PLCB2: variants seen among roughly 807,000 people sequenced by gnomAD.
PLCB2 encodes phospholipase C beta 2, also known as 1-phosphatidylinositol 4,5-bisphosphate phosphodiesterase beta-2.
In PLCB2, 115 loss-of-function variants were observed where a neutral mutation model predicts 141.7. That is an observed-to-expected ratio of 0.81 (90% confidence interval 0.70 to 0.95). PLCB2 has a LOEUF of 0.95. Among genes scored for constraint, PLCB2 ranks in the 40% least tolerant of loss-of-function variants. PLCB2 has a pLI of 0.00. For synonymous variants in PLCB2, 603 were observed against 595.6 expected (o/e 1.01, Z -0.18); for missense variants, 1,403 against 1,541.1 (o/e 0.91, Z 1.50).
chr15:40,290,164 G>T, intron 29 of PLCB2, 82 bp from the exon 30 acceptor site: 3 of 906,832 alleles, frequency 3.3e-6, no homozygotes, highest in East Asian at 2.4e-5. Flanking sequence ...CAGGATGTAG[G>T]CAAATGAGAA....
At chr15:40,296,214 T>G in intron 16 of PLCB2, 82 bp downstream of exon 16, 1 of 1,080,990 alleles carries the variant, frequency 9.3e-7, no homozygotes, top group East Asian at 2.5e-5. Flanking sequence ...TGGCTGGATA[T>G]TTATAGGCAG....
rs1292096335 is a variant in PLCB2, at chr15:40,294,293, C to G, written c.2034G>C (p.Val678=). The part of the protein sequence containing the change: ...FNPFSVDRID[V]VVATTLSITV... ...TAATGGAAAGGGTGGTGGCCACCAC[C>G]ACGTCGATGCGGTCCACTGAGAAGG... is the stretch of plus-strand genomic sequence containing the variant. The change falls in exon 19 of 32, where the codon GTG becomes GTC. Residue 678 remains valine (V), a synonymous_variant. Transcript: ENST00000260402. 11 of 1,613,870 alleles carry G rather than the reference C, an allele frequency of 6.8e-6. No homozygotes were observed. In the East Asian group the frequency reaches 8.9e-5, roughly 13 times the overall value.
chr15:40,285,859 A>G, downstream of PLCB2: 1 of 985,494 alleles, frequency 1.0e-6, no homozygotes, highest in Non-Finnish European at 1.2e-6. Context: ...TTGGTCCTGA[A>G]GAGCCCCTCC....
chr15:40,294,174 G>T, intron 19 of PLCB2, 92 bp downstream of exon 19: 1 of 1,267,962 alleles, frequency 7.9e-7, no homozygotes, highest in Non-Finnish European at 1.1e-6. Flanking sequence ...GATATCAGGG[G>T]AGGGGGTTGC....
Position 40,307,691 on chromosome 15 carries a change from T to G in PLCB2, c.-19A>C. On this transcript the variant is annotated 5_prime_UTR_variant, in exon 1 of 32. Transcript: ENST00000260402. The stretch of plus-strand genomic sequence containing the variant: ...GAGACATGGTGCCAAGCGTTCCTCT[T>G]TGCAGAATCTCAGCAGACACAGGCA... The G allele has an allele frequency of 6.5e-7, 1 of 1,537,806 alleles. No homozygotes were observed. The highest frequency in any genetic ancestry group is 1.7e-4 in the Middle Eastern group (1 of 5,786).
Position 40,297,364 on chromosome 15 carries a change from A to C in PLCB2, c.1323+157T>G, listed in dbSNP as rs578255437. ...ACTAGCATACCCTGAAGCCCAGCCC[A>C]GTGCCTGACACACGGAAGGTGACAG... On this transcript the variant is annotated intron_variant, in intron 13 of 31. Coordinates refer to ENST00000260402, the MANE Select transcript of PLCB2 (RefSeq NM_004573.3). The surrounding 1 kb of genome is among the most constrained non-coding windows in gnomAD (Gnocchi z 4.2). 6.6e-6 allele frequency among the ~76,000 whole-genome samples: 1 copy of C among 152,308 alleles called. No homozygotes were observed. The highest frequency in any genetic ancestry group is 1.9e-4 in the East Asian group (1 of 5,184).
At chr15:40,289,035 T>C (rs1201245496) in intron 31 of PLCB2, 117 bp from the exon 32 acceptor site, 3 of 1,446,538 alleles carry the variant, frequency 2.1e-6, no homozygotes, top group African/African-American at 2.8e-5. Context: ...CCCAGGAGAC[T>C]GGGGTGAGAG....
Position 40,288,543 on chromosome 15 carries a change from G to T in PLCB2, c.*172C>A. On this transcript the variant is annotated 3_prime_UTR_variant, in exon 32 of 32. Transcript: ENST00000260402. ...AGAGGCCCTGCCGTGAGGGTGCCTG[G>T]GTCCTGTCTCAGACTCTGGCCTGGC... The T allele has an allele frequency of 7.5e-7, 1 of 1,335,906 alleles. No homozygotes were observed. The highest frequency in any genetic ancestry group is 2.3e-5 in the South Asian group (1 of 43,622). The allele number at this position is 1,335,906 out of a possible 1,614,324, so 82.8% of individuals were successfully genotyped here.
intron 7 of PLCB2, chr15:40,301,701 A>G (rs2040518364): frequency 2.8e-6 from 2 of 703,688 alleles, no homozygotes; most frequent in Non-Finnish European, 2.6e-6. Context: ...TCCATCAACC[A>G]CAGCCCCAGC....
chr15:40,291,892 G>C lies in PLCB2; in HGVS notation c.2559C>G (p.Ser853Arg), dbSNP rs1283235504. The C allele has an allele frequency of 1.2e-6, 2 of 1,614,080 alleles. No individual in the cohort carries two copies. The highest frequency in any genetic ancestry group is 1.7e-6 in the Non-Finnish European group (2 of 1,180,024). The change falls in exon 24 of 32, where the codon AGC becomes AGG. Residue 853 changes from serine to arginine, a missense_variant. Around this residue, in one of 4 missense-constraint regions of PLCB2, gnomAD observed 975 missense variants for 1,141.1 expected, o/e 0.85. Coordinates refer to ENST00000260402, the MANE Select transcript of PLCB2 (RefSeq NM_004573.3). ...KPFPLASPVA[S>R]QVNGALAPTS... is the part of the protein sequence containing the mutation. ...TTGGGGCCAACGCCCCATTGACCTG[G>C]CTGGCAACTGGACTCGCCAGTGGGA... is the stretch of plus-strand genomic sequence containing the variant.
Position 40,293,555 on chromosome 15 carries a change from C to G in PLCB2, c.2226+5G>C. On this transcript the variant is annotated splice_donor_5th_base_variant and intron_variant, in intron 20 of 31. Transcript: ENST00000260402. Reference sequence around the variant, plus strand: ...GACTCTGCCCTGCCATGCCCTGGCCCCCACCTTCTCAAAGACAAAGGGCTC... The same window carrying G: ...GACTCTGCCCTGCCATGCCCTGGCCGCCACCTTCTCAAAGACAAAGGGCTC... The G allele has an allele frequency of 6.2e-7, 1 of 1,613,078 alleles. No homozygotes were observed.
Position 40,297,891 on chromosome 15 carries a change from C to G in PLCB2, c.1224G>C (p.Glu408Asp), listed in dbSNP as rs963143028. ...TGGATACGCACGAGTCCACATGGTTCTCAAACGACAGGATGATGGGATAGG... is the reference window on the plus strand; with the variant it reads ...TGGATACGCACGAGTCCACATGGTTGTCAAACGACAGGATGATGGGATAGG... ...TSPYPIILSF[E>D]NHVDSPRQQA... The change falls in exon 12 of 32, where the codon GAG (glutamate) becomes GAC (aspartate). Residue 408 changes from glutamate to aspartate, a missense_variant. This residue lies in a region of PLCB2 where 975 missense variants were observed against 1,141.1 expected (regional missense o/e 0.85). Transcript: ENST00000260402. This position sits in a 1 kb window ranked among gnomAD's most constrained non-coding sequence, Gnocchi z 4.2. The G allele has an allele frequency of 6.2e-7, 1 of 1,613,466 alleles. No individual in the cohort carries two copies. The highest frequency in any genetic ancestry group is 1.7e-5 in the Admixed American group (1 of 59,994).
rs376260840 is a variant in PLCB2, at chr15:40,288,809, T to C, written c.3464A>G (p.Lys1155Arg). 15 of 1,613,860 alleles carry C rather than the reference T, an allele frequency of 9.3e-6. No homozygotes were observed. The highest frequency in any genetic ancestry group is 1.3e-5 in the Non-Finnish European group (15 of 1,179,852). ...CLRTCFPSEA[K>R]DKPERACECP... is the part of the protein sequence containing the mutation. Reference sequence around the variant, plus strand: ...CTCGCAGGCCCTCTCAGGCTTGTCCTTGGCCTCGGAGGGAAAGCAGGTCCT... The same window carrying C: ...CTCGCAGGCCCTCTCAGGCTTGTCCCTGGCCTCGGAGGGAAAGCAGGTCCT... The change falls in exon 32 of 32, where the codon AAG (lysine) becomes AGG (arginine). Residue 1155 changes from lysine to arginine, a missense_variant. By Grantham distance (26) the Lys-to-Arg change is conservative. This residue lies in a region of PLCB2 where 132 missense variants were observed against 132.4 expected (regional missense o/e 1.00). Transcript: ENST00000260402.
At chr15:40,288,974 C>T (rs1203613150) in intron 31 of PLCB2, 56 bp from the exon 32 acceptor site, 4 of 1,593,438 alleles carry the variant, frequency 2.5e-6, no homozygotes, top group African/African-American at 1.3e-5. Context: ...TGGCCACCCT[C>T]GCTCCCTGGA....
intron 23 of PLCB2, 21 bp from the exon 24 acceptor site, chr15:40,291,945 A>ACCTTCTGTG: frequency 6.2e-7 from 1 of 1,613,534 alleles, no homozygotes; most frequent in Non-Finnish European, 8.5e-7. Context: ...AGAGCAGGTC[A>ACCTTCTGTG]GGAAGGTGGC....
chr15:40,291,493 G>A lies in PLCB2; in HGVS notation c.2648-6C>T, dbSNP rs2039922767. 6.3e-7 allele frequency: 1 copy of A among 1,587,604 alleles called. No individual in the cohort carries two copies. The highest frequency in any genetic ancestry group is 8.5e-7 in the Non-Finnish European group (1 of 1,171,304). On this transcript the variant is annotated splice_region_variant and splice_polypyrimidine_tract_variant and intron_variant, in intron 25 of 31. Transcript: ENST00000260402. The stretch of plus-strand genomic sequence containing the variant: ...CAGGCTGGCGGTCCGCGGCTCTGCG[G>A]AGGCCCGGGTGAGGCGCAACACCGG...
chr15:40,284,631 A>AG (rs2039583206), downstream of PLCB2: 2 of 450,968 alleles, frequency 4.4e-6, no homozygotes, highest in South Asian at 3.1e-5. Context: ...CACGAGATCA[A>AG]GGGATCGAGA....
intron 1 of PLCB2, among the ~76,000 whole-genome samples, chr15:40,306,486 C>T (rs562000686): frequency 5.9e-5 from 9 of 152,166 alleles, no homozygotes; most frequent in East Asian, 1.9e-4. Context: ...GAGGCCACTT[C>T]GCTTTTCATT....
At position 40,291,305 on chromosome 15, in the gene PLCB2, C is replaced by T; in HGVS notation, c.2830G>A (p.Ala944Thr). 1 of 1,549,762 alleles carries T rather than the reference C, an allele frequency of 6.5e-7. No individual in the cohort carries two copies. The highest frequency in any genetic ancestry group is 1.4e-5 in the African/African-American group (1 of 72,646). The change falls in exon 26 of 32, where the codon GCC (alanine) becomes ACC (threonine). Residue 944 changes from alanine to threonine, a missense_variant. By Grantham distance (58) the Ala-to-Thr change is moderately conservative. This residue lies in a region of PLCB2 where 290 missense variants were observed against 245.9 expected (regional missense o/e 1.18). Transcript: ENST00000260402. ...LGPPGVGGVG[A>T]CKLGPGKGSR... ...CCCTTGCCGGGACCGAGCTTGCAGG[C>T]CCCGACGCCCCCCACGCCCGGTGGC... is the stretch of plus-strand genomic sequence containing the variant.
Sources: allele counts gnomAD v4.1 joint callset (sites outside exome capture counted in the v4.1 genomes callset), GRCh38; gene constraint gnomAD v4.1.1; regional missense constraint gnomAD v4.1.1; non-coding constraint Gnocchi (gnomAD v3.1); transcripts MANE v1.5; gene names NCBI Gene and HGNC (gene_info 2026-07-23, HGNC 2026-07-21).